ZMYM4: variants seen among roughly 807,000 people sequenced by gnomAD.
The protein encoded by ZMYM4 is zinc finger MYM-type protein 4.
A neutral mutation model predicts 183.2 loss-of-function variants in ZMYM4; 31 were observed. The observed-to-expected ratio is 0.17, with a 90% CI of 0.13 to 0.23. The LOEUF is 0.23. Ranked by LOEUF, ZMYM4 falls within the 10% of genes least tolerant of loss-of-function variation. The pLI is 1.00. For missense variants in ZMYM4, 1,273 were observed against 1,840.3 expected, an observed-to-expected ratio of 0.69 and a Z score of 5.64; for synonymous variants, 592 against 631.2, an observed-to-expected ratio of 0.94 and a Z score of 0.93.
At chr1:35,271,372 AAG>A (rs1491021762) in intron 1 of ZMYM4, among the ~76,000 whole-genome samples, 9 of 152,024 alleles carry the variant, frequency 5.9e-5, no homozygotes, top group Non-Finnish European at 1.2e-4. Context: ...AAAAAAAAAA[AAG>A]ATACCATACT....
In ZMYM4 at chr1:35,419,682, G is replaced by A. The variant is rs749974117; in HGVS notation, c.*5G>A. 2.5e-6 allele frequency: 4 copies of A among 1,614,048 alleles called. No homozygotes were observed. The Admixed American group carries it at 6.7e-5, about 27-fold the overall frequency. On this transcript the variant is annotated 3_prime_UTR_variant, in exon 30 of 30. Coordinates refer to ENST00000314607, the MANE Select transcript of ZMYM4 (RefSeq NM_005095.3). ...GATGTTGAATTATCAGATTAAAACG[G>A]AAGTGAGGTTCTTATTTTCATACAT...
intron 18 of ZMYM4, among the ~76,000 whole-genome samples, chr1:35,395,663 T>C (rs1426366003): frequency 1.3e-5 from 2 of 152,156 alleles, no homozygotes; most frequent in Non-Finnish European, 2.9e-5. Flanking sequence ...ATGCCCAACC[T>C]CCAGAACATC....
intron 2 of ZMYM4, among the ~76,000 whole-genome samples, chr1:35,340,177 G>T (rs1643144521): frequency 8.0e-6 from 1 of 125,708 alleles, no homozygotes. Flanking sequence ...TAGATCAACT[G>T]AGAGAGAAGT....
intron 2 of ZMYM4, among the ~76,000 whole-genome samples, chr1:35,350,450 A>G (rs942297558): frequency 6.6e-6 from 1 of 152,086 alleles, no homozygotes; most frequent in African/African-American, 2.4e-5. Context: ...CACCACGCCC[A>G]GCTAATTTTT....
chr1:35,318,764 C>T (rs948888284), intron 1 of ZMYM4, among the ~76,000 whole-genome samples: 35 of 152,038 alleles, frequency 2.3e-4, no homozygotes, highest in African/African-American at 8.4e-4. Flanking sequence ...AGCCATACTC[C>T]TGGTAGATTT....
intron 1 of ZMYM4, among the ~76,000 whole-genome samples, chr1:35,309,811 T>C (rs1163168819): frequency 6.6e-6 from 1 of 152,038 alleles, no homozygotes; most frequent in Non-Finnish European, 1.5e-5. Context: ...AAAACTACTT[T>C]AGAATATTCT....
chr1:35,297,040 G>A (rs891606629), intron 1 of ZMYM4, among the ~76,000 whole-genome samples: 5 of 151,792 alleles, frequency 3.3e-5, no homozygotes, highest in African/African-American at 9.7e-5. Context: ...AGTAGAGACG[G>A]AGTTTCACCA....
In ZMYM4 at chr1:35,361,223, C is replaced by T. The variant is rs1365790628; in HGVS notation, c.637C>T (p.His213Tyr). Residue 213 changes from histidine (H) to tyrosine (Y), a missense_variant, in exon 4 of 30, where the codon CAT becomes TAT. This residue lies in a region of ZMYM4 where 384 missense variants were observed against 465.6 expected (regional missense o/e 0.82). Transcript: ENST00000314607. ...TCAAGTTGAAGAAACATTACATACC[C>T]ATTTACCACAAACCCCAGAAACAAA... ...ANQVEETLHTHLPQTPETNFR... is the reference protein window; with the variant it reads ...ANQVEETLHTYLPQTPETNFR... 6.2e-7 allele frequency: 1 copy of T among 1,605,584 alleles called. No homozygotes were observed.
At chr1:35,301,104 A>G (rs1641257551) in intron 1 of ZMYM4, among the ~76,000 whole-genome samples, 1 of 152,214 alleles carries the variant, frequency 6.6e-6, no homozygotes, top group South Asian at 2.1e-4. Flanking sequence ...AATAAGATAA[A>G]CAAGTCTTTT....
intron 26 of ZMYM4, among the ~76,000 whole-genome samples, chr1:35,409,549 C>CT (rs2149033512): frequency 6.6e-6 from 1 of 151,612 alleles, no homozygotes; most frequent in African/African-American, 2.4e-5. Flanking sequence ...TTTTTGTGTA[C>CT]TTTTTGACCA....
At chr1:35,354,177 GAC>G (rs1000827738) in intron 2 of ZMYM4, among the ~76,000 whole-genome samples, 18 of 151,938 alleles carry the variant, frequency 1.2e-4, no homozygotes, top group Non-Finnish European at 2.4e-4. Context: ...AAAAGAAATT[GAC>G]ATCTCTGAGA....
In ZMYM4 at chr1:35,299,356, CA is replaced by C. The variant is rs968951091; in HGVS notation, c.40-25995del. On this transcript the variant is annotated intron_variant, in intron 1 of 29. Coordinates refer to ENST00000314607, the MANE Select transcript of ZMYM4 (RefSeq NM_005095.3). ...CAAACAAAGCGGGAAAAGAATGAAG[CA>C]AAAAAAAAGCAGAGATTATTGACAA... Among the ~76,000 whole-genome samples, 201 of 149,260 alleles carry C rather than the reference CA, an allele frequency of 1.3e-3. 1 individual carries two copies. Among genetic ancestry groups the C allele is most frequent in the African/African-American group, 4.3e-3 (173 of 40,678 alleles).
intron 1 of ZMYM4, among the ~76,000 whole-genome samples, chr1:35,299,817 C>CAA (rs2148743233): frequency 6.7e-6 from 1 of 150,206 alleles, no homozygotes; most frequent in South Asian, 2.1e-4. Flanking sequence ...TTTTATGAGA[C>CAA]AGAGTCTTGC....
At chr1:35,354,709 A>T (rs1643749714) in intron 2 of ZMYM4, among the ~76,000 whole-genome samples, 1 of 143,410 alleles carries the variant, frequency 7.0e-6, no homozygotes, top group Non-Finnish European at 1.5e-5. Context: ...CCTGGGCGAC[A>T]GAGTGAAACT....
At position 35,419,802 on chromosome 1, in the gene ZMYM4, G is replaced by C; in HGVS notation, c.*125G>C. On this transcript the variant is annotated 3_prime_UTR_variant, in exon 30 of 30. Transcript: ENST00000314607. ...CTTGACCATAAGATCATGGAAAACAGATGACTTGTGAACCCCACAGTGTGG... is the reference window on the plus strand; with the variant it reads ...CTTGACCATAAGATCATGGAAAACACATGACTTGTGAACCCCACAGTGTGG... 7.5e-6 allele frequency: 7 copies of C among 931,968 alleles called. No homozygotes were observed. In the South Asian group the frequency reaches 1.1e-4, roughly 15 times the overall value. The allele number at this position is 931,968 out of a possible 1,614,324, so 57.7% of individuals were successfully genotyped here.
At chr1:35,351,138 G>T in intron 2 of ZMYM4, 2 of 1,062,366 alleles carry the variant, frequency 1.9e-6, no homozygotes, top group Non-Finnish European at 2.9e-6. Context: ...TCAGCCACGT[G>T]CCTTTACCTG....
chr1:35,397,111 A>G (rs1644822717), intron 19 of ZMYM4: 1 of 1,078,138 alleles, frequency 9.3e-7, no homozygotes, highest in African/African-American at 1.6e-5. Context: ...AGCAAAAACA[A>G]CAAAAACAAA....
At position 35,392,215 on chromosome 1, in the gene ZMYM4, A is replaced by G. The variant is rs763321746; in HGVS notation, c.2591A>G (p.Asn864Ser). 2 of 1,614,180 alleles carry G rather than the reference A, an allele frequency of 1.2e-6. No individual in the cohort carries two copies. Among genetic ancestry groups the G allele is most frequent in the African/African-American group, 1.3e-5 (1 of 75,046 alleles). Residue 864 changes from asparagine (N) to serine (S), a missense_variant, in exon 16 of 30, where the codon AAT (asparagine) becomes AGT (serine). By Grantham distance (46) the Asn-to-Ser change is conservative (BLOSUM62 1). This residue lies in a region of ZMYM4 where 290 missense variants were observed against 353.3 expected (regional missense o/e 0.82). Coordinates refer to ENST00000314607, the MANE Select transcript of ZMYM4 (RefSeq NM_005095.3). The part of the protein sequence containing the change: ...CDPPSQNNAA[N>S]ISMVQAASAG... ...TATTTTTGTTTATTTTAATCAGCAA[A>G]TATTTCCATGGTTCAAGCTGCTTCA...
intron 25 of ZMYM4, 29 bp downstream of exon 25, chr1:35,405,497 G>T: frequency 6.7e-7 from 1 of 1,488,096 alleles, no homozygotes; most frequent in Non-Finnish European, 9.1e-7. Flanking sequence ...CATTTGGTAT[G>T]AATTATTTAT....
Sources: allele counts gnomAD v4.1 joint callset (sites outside exome capture counted in the v4.1 genomes callset), GRCh38; gene constraint gnomAD v4.1.1; regional missense constraint gnomAD v4.1.1; transcripts MANE v1.5; gene names NCBI Gene and HGNC (gene_info 2026-07-23, HGNC 2026-07-21).